Variants in SEMA3D observed in about 807,000 individuals in gnomAD.
SEMA3D encodes semaphorin 3D.
Under a neutral mutation model 100.1 loss-of-function variants are expected in SEMA3D, and 84 were observed. The observed-to-expected ratio is 0.84, with a 90% confidence interval of 0.70 to 1.01. The LOEUF (loss-of-function observed/expected upper bound fraction) is 1.01, where lower values mean the gene tolerates loss of function less well. SEMA3D is among the 50% of genes least tolerant of loss of function. The pLI, the probability that SEMA3D is intolerant of heterozygous loss-of-function variation, is 0.00. For missense variants in SEMA3D, 875 were observed against 934.1 expected (o/e 0.94, Z 0.82); for synonymous variants, 312 against 320.7 (o/e 0.97, Z 0.29).
At chr7:85,045,940 A>G (rs1441703119) in intron 9 of SEMA3D, among the ~76,000 whole-genome samples, 1 of 151,916 alleles carries the variant, frequency 6.6e-6, no homozygotes, top group Non-Finnish European at 1.5e-5. Flanking sequence ...ATTCTTATAT[A>G]TTGATAGTAT....
At chr7:85,168,857 G>GAAAGA (rs1554350715) in intron 1 of SEMA3D, among the ~76,000 whole-genome samples, 2 of 132,422 alleles carry the variant, frequency 1.5e-5, no homozygotes, top group Non-Finnish European at 3.3e-5. Context: ...AAGAAAGAAA[G>GAAAGA]AAAGAAAGAA....
intron 2 of SEMA3D, chr7:85,144,685 T>C (rs1490260019): frequency 1.0e-6 from 1 of 985,178 alleles, no homozygotes; most frequent in East Asian, 1.1e-4. Context: ...AGCCCAAAAT[T>C]AAAGCTGTGT....
chr7:85,126,284 G>A (rs1399790789), intron 2 of SEMA3D, among the ~76,000 whole-genome samples: 1 of 151,892 alleles, frequency 6.6e-6, no homozygotes, highest in Non-Finnish European at 1.5e-5. Context: ...CTATTAATGT[G>A]AAAAAGTAGC....
At chr7:85,028,059 T>C in intron 12 of SEMA3D, 1 of 598,372 alleles carries the variant, frequency 1.7e-6, no homozygotes, top group Non-Finnish European at 3.1e-6. Flanking sequence ...TGGATGCAGA[T>C]TTGATGATGC....
At chr7:85,175,381 A>T (rs1248867608) in intron 1 of SEMA3D, among the ~76,000 whole-genome samples, 4 of 152,288 alleles carry the variant, frequency 2.6e-5, no homozygotes, top group South Asian at 4.1e-4. Context: ...TATTGAGTAC[A>T]CATGTGTAAG....
At chr7:85,009,355 A>G (rs1273824682) in intron 17 of SEMA3D, among the ~76,000 whole-genome samples, 1 of 151,770 alleles carries the variant, frequency 6.6e-6, no homozygotes, top group Non-Finnish European at 1.5e-5. Context: ...GTAGCTTTTA[A>G]CAATTAAAGC....
chr7:85,184,228 TG>T (rs1791478298), intron 1 of SEMA3D, among the ~76,000 whole-genome samples: 1 of 152,146 alleles, frequency 6.6e-6, no homozygotes, highest in Non-Finnish European at 1.5e-5. Flanking sequence ...TCCCATTAAG[TG>T]GGGTCATGAC....
At chr7:85,149,392 G>A (rs1179506839) in intron 2 of SEMA3D, among the ~76,000 whole-genome samples, 1 of 152,106 alleles carries the variant, frequency 6.6e-6, no homozygotes, top group Non-Finnish European at 1.5e-5. Context: ...AGGTTGCAGT[G>A]AGCCAAGATC....
chr7:85,229,945 C>G, the SEMA3D span, among the ~76,000 whole-genome samples: 2 of 152,276 alleles, frequency 1.3e-5, no homozygotes, highest in Admixed American at 1.3e-4. Flanking sequence ...CTCTTCTTAA[C>G]TGCTTTAAAT....
At chr7:85,176,779 T>C (rs1386688533) in intron 1 of SEMA3D, among the ~76,000 whole-genome samples, 1 of 108,364 alleles carries the variant, frequency 9.2e-6, no homozygotes, top group Non-Finnish European at 1.8e-5. Context: ...TGTATTTGTA[T>C]ACATATATAT....
At chr7:85,153,389 GA>G (rs1790488961) in intron 2 of SEMA3D, among the ~76,000 whole-genome samples, 1 of 152,084 alleles carries the variant, frequency 6.6e-6, no homozygotes. Context: ...ATCATGTCTA[GA>G]AATAACATTG....
At chr7:85,098,244 T>C (rs1788631721) in intron 3 of SEMA3D, among the ~76,000 whole-genome samples, 1 of 151,740 alleles carries the variant, frequency 6.6e-6, no homozygotes, top group Admixed American at 6.6e-5. Flanking sequence ...AACGTAATTA[T>C]TTAGAAATAG....
chr7:85,158,159 A>G (rs908122865), intron 1 of SEMA3D, among the ~76,000 whole-genome samples: 2 of 152,230 alleles, frequency 1.3e-5, no homozygotes, highest in African/African-American at 4.8e-5. Context: ...CACCTTGAAA[A>G]AAGAACAGGA....
At chr7:85,141,074 A>G in intron 2 of SEMA3D, 1 of 909,158 alleles carries the variant, frequency 1.1e-6, no homozygotes, top group Non-Finnish European at 1.3e-6. Context: ...ATTTTATTTA[A>G]TATTCAGTTC....
chr7:85,108,297 C>T (rs1055920448), intron 3 of SEMA3D, among the ~76,000 whole-genome samples: 7 of 151,846 alleles, frequency 4.6e-5, no homozygotes, highest in Non-Finnish European at 1.0e-4. Context: ...TTTTTGTTTG[C>T]CTTGGTTTAT....
the SEMA3D span, among the ~76,000 whole-genome samples, chr7:85,203,129 G>A: frequency 1.3e-5 from 2 of 152,136 alleles, no homozygotes; most frequent in Admixed American, 6.6e-5. Flanking sequence ...CAAAAATATG[G>A]GATTAAGCTC....
intron 12 of SEMA3D, chr7:85,028,367 A>C: frequency 2.2e-6 from 1 of 459,830 alleles, no homozygotes; most frequent in South Asian, 2.0e-5. Context: ...TGTCGCTGCT[A>C]TTGCTTACAG....
chr7:85,035,984 C>T (rs1790681857), intron 12 of SEMA3D, among the ~76,000 whole-genome samples: 2 of 151,938 alleles, frequency 1.3e-5, no homozygotes, highest in African/African-American at 4.8e-5. Flanking sequence ...AGCATAGCTA[C>T]CAGCTGGTTC....
intron 8 of SEMA3D, among the ~76,000 whole-genome samples, chr7:85,059,232 T>C (rs2116105042): frequency 6.6e-6 from 1 of 152,300 alleles, no homozygotes; most frequent in Non-Finnish European, 1.5e-5. Context: ...TAAAACCCTA[T>C]CTATATACGG....
Sources: gnomAD v4.1 joint callset for allele counts (sites outside exome capture counted in the v4.1 genomes callset) on GRCh38, gnomAD v4.1.1 for gene constraint, MANE v1.5 for transcripts, NCBI Gene and HGNC (gene_info 2026-07-23, HGNC 2026-07-21) for gene names.